Variants in HDAC11 observed in about 807,000 individuals in gnomAD.
The protein encoded by HDAC11 is histone deacetylase 11.
Under a neutral mutation model 41.1 loss-of-function variants are expected in HDAC11, and 23 were observed. The ratio of observed to expected loss-of-function variants is 0.56; its 90% CI spans 0.40 to 0.79. The LOEUF (loss-of-function observed/expected upper bound fraction) is 0.79, where lower values mean the gene tolerates loss of function less well. Ranked by LOEUF, HDAC11 falls within the 30% of genes least tolerant of loss-of-function variation. The probability of loss-of-function intolerance (pLI) is 0.00; values close to 1 mark genes in which losing one functional copy is unlikely to be tolerated. For synonymous variants in HDAC11, 187 were observed against 186.6 expected (o/e 1.00, Z -0.02); for missense variants, 402 against 477.3 (o/e 0.84, Z 1.47).
At chr3:13,495,268 G>A (rs932638706) in intron 3 of HDAC11, among the ~76,000 whole-genome samples, 30 of 152,094 alleles carry the variant, frequency 2.0e-4, no homozygotes, top group African/African-American at 7.0e-4. Flanking sequence ...TGGGAAGCCT[G>A]CAGTCCCAAC....
Position 13,481,229 on chromosome 3 carries a change from C to CT in HDAC11, c.3-12dup. 6.2e-7 allele frequency: 1 copy of CT among 1,610,040 alleles called. No homozygotes were observed. Reference sequence around the variant, plus strand: ...GAGGCTGCCCCAGCTGTGCGTCTGTCTTTTTCCACACGGTAGGCTACACAC... The same window carrying CT: ...GAGGCTGCCCCAGCTGTGCGTCTGTCTTTTTTCCACACGGTAGGCTACACAC... On this transcript the variant is annotated splice_polypyrimidine_tract_variant and intron_variant, in intron 1 of 9. Transcript: ENST00000295757.
At chr3:13,503,151 C>T (rs1362607954) in intron 8 of HDAC11, 171 bp downstream of exon 8, 1 of 523,430 alleles carries the variant, frequency 1.9e-6, no homozygotes, top group Non-Finnish European at 3.4e-6. Flanking sequence ...GGAGAAGTCA[C>T]TCGACCCACC....
intron 3 of HDAC11, among the ~76,000 whole-genome samples, chr3:13,489,513 A>G (rs1482010541): frequency 1.3e-5 from 2 of 152,184 alleles, no homozygotes; most frequent in East Asian, 1.9e-4. Flanking sequence ...TAGAAAATCA[A>G]CTGGCCATAG....
At position 13,500,662 on chromosome 3, in the gene HDAC11, C is replaced by T. The variant is rs562135997; in HGVS notation, c.413-51C>T. 12 of 1,459,874 alleles carry T rather than the reference C, an allele frequency of 8.2e-6. No homozygotes were observed. In the African/African-American group the frequency reaches 1.3e-4, roughly 15 times the overall value. 90.4% of individuals were successfully genotyped at this position (1,459,874 alleles called of 1,614,324 possible). On this transcript the variant is annotated intron_variant, in intron 5 of 9. Transcript: ENST00000295757. ...GTGAAGGGATGGAGGAGCTCCTGGA[C>T]TGAGCCTGGGAGCCTGGCTCTGAGC...
At chr3:13,500,082 T>C (rs1355337765) in intron 5 of HDAC11, among the ~76,000 whole-genome samples, 1 of 152,104 alleles carries the variant, frequency 6.6e-6, no homozygotes, top group Non-Finnish European at 1.5e-5. Flanking sequence ...AGTAGCCTCC[T>C]GGGGGGTGGG....
At chr3:13,488,134 C>T (rs77074018) in intron 3 of HDAC11, among the ~76,000 whole-genome samples, 6,037 of 151,724 alleles carry the variant, frequency 0.04, 165 homozygotes, top group East Asian at 0.088. Context: ...AGACACAGAC[C>T]ATAGCTCCAT....
chr3:13,502,028 A>C lies in HDAC11; in HGVS notation c.552+95A>C. ...GGAGAGTCTCCCTCCTCATGTCCCC[A>C]CGGCTCTCACGGCTTCTGTCTTCTG... On this transcript the variant is annotated intron_variant, in intron 7 of 9. Transcript: ENST00000295757. This position sits in a 1 kb window ranked among gnomAD's most constrained non-coding sequence, Gnocchi z 4.1. 1.1e-6 allele frequency: 1 copy of C among 912,592 alleles called. No homozygotes were observed. The highest frequency in any genetic ancestry group is 1.4e-5 in the South Asian group (1 of 69,940). 56.5% of individuals were successfully genotyped at this position (912,592 alleles called of 1,614,324 possible).
chr3:13,496,533 C>G (rs1702103272), intron 3 of HDAC11: 1 of 515,828 alleles, frequency 1.9e-6, no homozygotes, highest in Non-Finnish European at 3.4e-6. Flanking sequence ...GTAAACTGCT[C>G]TTTACTGAGC....
intron 3 of HDAC11, among the ~76,000 whole-genome samples, chr3:13,493,916 T>C (rs752688224): frequency 1.3e-5 from 2 of 152,168 alleles, no homozygotes; most frequent in African/African-American, 2.4e-5. Context: ...GCCACTGCAG[T>C]TTTGCAGAAG....
chr3:13,488,271 A>G (rs1701687217), intron 3 of HDAC11, among the ~76,000 whole-genome samples: 1 of 152,062 alleles, frequency 6.6e-6, no homozygotes, highest in Admixed American at 6.6e-5. Flanking sequence ...TTGTGGTAAA[A>G]TTTACATAAC....
chr3:13,480,338 C>G lies in HDAC11; in HGVS notation c.-10C>G, dbSNP rs1226568307. The G allele has an allele frequency of 5.7e-6, 7 of 1,223,718 alleles. No homozygotes were observed. Among genetic ancestry groups the G allele is most frequent in the Admixed American group, 8.6e-5 (2 of 23,214 alleles). 75.8% of individuals were successfully genotyped at this position (1,223,718 alleles called of 1,614,324 possible). A position where few individuals can be genotyped will look rare whatever the true frequency, so the allele number is the denominator to read the frequency against. On this transcript the variant is annotated 5_prime_UTR_variant, in exon 1 of 10. Transcript: ENST00000295757. The surrounding 1 kb of genome is among the most constrained non-coding windows in gnomAD (Gnocchi z 4.6). ...GAGCTGCGGCCAGCTTTGGGAGGGCCGGCCCCGGGATGTGAGTGCCGCGGG... is the reference window on the plus strand; with the variant it reads ...GAGCTGCGGCCAGCTTTGGGAGGGCGGGCCCCGGGATGTGAGTGCCGCGGG...
At chr3:13,496,550 C>T (rs1702104227) in intron 3 of HDAC11, 186 bp from the exon 4 acceptor site, 1 of 547,320 alleles carries the variant, frequency 1.8e-6, no homozygotes, top group East Asian at 3.3e-5. Context: ...GAGCCCAGAG[C>T]TTGCCAGGAG....
At chr3:13,490,664 T>C (rs1023297850) in intron 3 of HDAC11, among the ~76,000 whole-genome samples, 1 of 152,112 alleles carries the variant, frequency 6.6e-6, no homozygotes. Context: ...CAATAATCAG[T>C]TGTATAGAAA....
At chr3:13,499,170 C>T (rs1163815617) in intron 5 of HDAC11, among the ~76,000 whole-genome samples, 1 of 152,146 alleles carries the variant, frequency 6.6e-6, no homozygotes, top group South Asian at 2.1e-4. Context: ...TTTCACCAGG[C>T]TCTTTTTTTC....
chr3:13,481,953 G>A (rs1294148473), intron 2 of HDAC11, among the ~76,000 whole-genome samples: 2 of 152,172 alleles, frequency 1.3e-5, no homozygotes, highest in Non-Finnish European at 2.9e-5. Context: ...ACAGGCGTGA[G>A]CCACCACACC....
rs1702424375 is a variant in HDAC11 at position 13,502,616 on chromosome 3, A to G, written c.553-268A>G. The G allele has an allele frequency of 2.5e-6, 1 of 395,304 alleles. No homozygotes were observed. The highest frequency in any genetic ancestry group is 4.7e-6 in the Non-Finnish European group (1 of 212,892). 24.5% of individuals were successfully genotyped at this position (395,304 alleles called of 1,614,324 possible). ...CTGATCCCAACCAGTCCCACCACAG[A>G]CTTGAGAGGGTGGCAGAGCGGGATT... On this transcript the variant is annotated intron_variant, in intron 7 of 9. Transcript: ENST00000295757. This position sits in a 1 kb window ranked among gnomAD's most constrained non-coding sequence, Gnocchi z 4.1.
At chr3:13,486,569 GTGTTTTT>G (rs1168075179) in intron 3 of HDAC11, among the ~76,000 whole-genome samples, 1 of 123,484 alleles carries the variant, frequency 8.1e-6, no homozygotes, top group Non-Finnish European at 1.6e-5. Flanking sequence ...TCATGTAGAG[GTGTTTTT>G]TTTTTTTTTT....
chr3:13,485,776 C>CTGGTA lies in HDAC11; in HGVS notation c.252+2214_252+2215insGTATG, dbSNP rs58536216. Among the ~76,000 whole-genome samples, 694 of 152,060 alleles carry CTGGTA rather than the reference C, an allele frequency of 4.6e-3. 5 individuals carry two copies. Among genetic ancestry groups the CTGGTA allele is most frequent in the African/African-American group, 0.016 (660 of 41,468 alleles). ...CTCCAGCTGGTATGACAGAGTGAGA[C>CTGGTA]TGTCTCTTAAAAAAAATAATAAAAG... On this transcript the variant is annotated intron_variant, in intron 3 of 9. Transcript: ENST00000295757.
intron 3 of HDAC11, among the ~76,000 whole-genome samples, chr3:13,486,141 C>T (rs1701554108): frequency 6.6e-6 from 1 of 151,892 alleles, no homozygotes; most frequent in African/African-American, 2.4e-5. Context: ...GTAGTGCATG[C>T]CTGTAATCCC....
Sources: gnomAD v4.1 joint callset for allele counts (sites outside exome capture counted in the v4.1 genomes callset) on GRCh38, gnomAD v4.1.1 for gene constraint, Gnocchi (gnomAD v3.1) non-coding constraint, MANE v1.5 for transcripts, NCBI Gene and HGNC (gene_info 2026-07-23, HGNC 2026-07-21) for gene names.